GALNT18: variants seen among roughly 807,000 people sequenced by gnomAD.
GALNT18 encodes GalNAc-transferase 18.
A neutral mutation model predicts 69.5 loss-of-function variants in GALNT18; 44 were observed. The observed-to-expected ratio is 0.63, with a 90% CI of 0.50 to 0.81. The LOEUF is 0.81. Ranked by LOEUF, GALNT18 falls within the 40% of genes least tolerant of loss-of-function variation. GALNT18 has a pLI of 0.00. For synonymous variants in GALNT18, 364 were observed against 318.2 expected, an observed-to-expected ratio of 1.14 and a Z score of -1.53; for missense variants, 715 against 810.0, an observed-to-expected ratio of 0.88 and a Z score of 1.42.
chr11:11,344,769 C>T (rs1026916446), intron 6 of GALNT18, among the ~76,000 whole-genome samples: 4 of 152,106 alleles, frequency 2.6e-5, no homozygotes, highest in African/African-American at 7.2e-5. Context: ...ATGTGGATGG[C>T]GGTCAAGGAA....
rs996323594 is a variant in GALNT18 at position 11,621,180 on chromosome 11, G to A, written c.235+179C>T. Among the ~76,000 whole-genome samples the A allele has an allele frequency of 1.2e-4, 19 of 152,150 alleles. No individual in the cohort carries two copies. The highest frequency in any genetic ancestry group is 4.6e-4 in the African/African-American group (19 of 41,446). On this transcript the variant is annotated intron_variant, in intron 1 of 10. Transcript: ENST00000227756. The surrounding 1 kb of genome is among the most constrained non-coding windows in gnomAD (Gnocchi z 9.3). Reference sequence around the variant, plus strand: ...GTGCCCCGGGGAAGAGCGCACGGCCGCAGACAGAAGGTCCCGAACGCAGGC... The same window carrying A: ...GTGCCCCGGGGAAGAGCGCACGGCCACAGACAGAAGGTCCCGAACGCAGGC...
intron 1 of GALNT18, among the ~76,000 whole-genome samples, chr11:11,457,582 C>A (rs547478003): frequency 6.6e-6 from 1 of 152,194 alleles, no homozygotes; most frequent in African/African-American, 2.4e-5. Context: ...CAAGTCCTAC[C>A]GAAGGGTCAG....
intron 3 of GALNT18, among the ~76,000 whole-genome samples, chr11:11,419,596 C>CAAAAAAAAAAAAAAAAAAAAA (rs58012512): frequency 3.8e-5 from 1 of 26,618 alleles, no homozygotes; most frequent in Non-Finnish European, 8.9e-5. Context: ...GATCCTGTCT[C>CAAAAAAAAAAAAAAAAAAAAA]AAAAAAAAAA....
rs1405504920 is a variant in GALNT18, at chr11:11,584,458, G to A, written c.235+36901C>T. Among the ~76,000 whole-genome samples, 1 of 152,160 alleles carries A rather than the reference G, an allele frequency of 6.6e-6. No homozygotes were observed. Among genetic ancestry groups the A allele is most frequent in the African/African-American group, 2.4e-5 (1 of 41,420 alleles). ...GAGAAATGGGTTCCTATTCTCCAGT[G>A]CATTTCAACTGGCCATATTCTCAGC... On this transcript the variant is annotated intron_variant, in intron 1 of 10. Coordinates refer to ENST00000227756, the MANE Select transcript of GALNT18 (RefSeq NM_198516.3). The surrounding 1 kb of genome is among the most constrained non-coding windows in gnomAD (Gnocchi z 4.1).
In GALNT18 at chr11:11,469,148, C is replaced by T. The variant is rs945329137; in HGVS notation, c.236-20212G>A. Among the ~76,000 whole-genome samples the T allele has an allele frequency of 6.6e-6, 1 of 152,088 alleles. No homozygotes were observed. The highest frequency in any genetic ancestry group is 1.5e-5 in the Non-Finnish European group (1 of 68,018). ...CTCTGATGATATTATTTTTTGGATC[C>T]CGGTAGCCAAGAAAAGCAGTCTGAG... On this transcript the variant is annotated intron_variant, in intron 1 of 10. Coordinates refer to ENST00000227756, the MANE Select transcript of GALNT18 (RefSeq NM_198516.3). This position sits in a 1 kb window ranked among gnomAD's most constrained non-coding sequence, Gnocchi z 4.2.
At chr11:11,275,370 C>T (rs1028257609) in intron 10 of GALNT18, among the ~76,000 whole-genome samples, 2 of 152,140 alleles carry the variant, frequency 1.3e-5, no homozygotes, top group Non-Finnish European at 2.9e-5. Flanking sequence ...ATATCCTTTA[C>T]CCACTTTTAG....
rs1331682328 is a variant in GALNT18, at chr11:11,591,856, T to A, written c.235+29503A>T. Among the ~76,000 whole-genome samples, 1 of 152,140 alleles carries A rather than the reference T, an allele frequency of 6.6e-6. No individual in the cohort carries two copies. The highest frequency in any genetic ancestry group is 1.9e-4 in the East Asian group (1 of 5,188). On this transcript the variant is annotated intron_variant, in intron 1 of 10. Transcript: ENST00000227756. The surrounding 1 kb of genome is among the most constrained non-coding windows in gnomAD (Gnocchi z 4.8). ...GCCAATACCCAGCTGTGATTAGATG[T>A]TATGAAGATTTAAGGGTTTTGAGTT...
Position 11,480,021 on chromosome 11 carries a change from A to G in GALNT18, c.236-31085T>C, listed in dbSNP as rs1590039984. On this transcript the variant is annotated intron_variant, in intron 1 of 10. Coordinates refer to ENST00000227756, the MANE Select transcript of GALNT18 (RefSeq NM_198516.3). This position sits in a 1 kb window ranked among gnomAD's most constrained non-coding sequence, Gnocchi z 4.6. ...GGCTGCTACCCCAAGCCCCACCAGG[A>G]GGCTAGAGAAGAGAGATGGGAGAGT... Among the ~76,000 whole-genome samples the G allele has an allele frequency of 6.6e-6, 1 of 152,258 alleles. No homozygotes were observed. Among genetic ancestry groups the G allele is most frequent in the South Asian group, 2.1e-4 (1 of 4,820 alleles).
chr11:11,453,225 G>A (rs183720580), intron 1 of GALNT18, among the ~76,000 whole-genome samples: 4 of 152,252 alleles, frequency 2.6e-5, no homozygotes, highest in Admixed American at 6.5e-5. Flanking sequence ...GGAGACCCCT[G>A]GGCCAGGGGA....
At chr11:11,406,657 C>A (rs142381047) in intron 3 of GALNT18, among the ~76,000 whole-genome samples, 1 of 152,148 alleles carries the variant, frequency 6.6e-6, no homozygotes, top group Admixed American at 6.5e-5. Context: ...CCATACAAGT[C>A]GGGGCAGTAT....
chr11:11,504,858 TTC>T, intron 1 of GALNT18, among the ~76,000 whole-genome samples: 1 of 152,264 alleles, frequency 6.6e-6, no homozygotes, highest in East Asian at 1.9e-4. Context: ...GTGCTGGGCA[TTC>T]TGTTTGCCTT....
At chr11:11,375,222 T>C (rs573640038) in intron 5 of GALNT18, among the ~76,000 whole-genome samples, 5 of 152,354 alleles carry the variant, frequency 3.3e-5, no homozygotes, top group African/African-American at 1.2e-4. Flanking sequence ...AAATCACAGC[T>C]TTCTGTGGAG....
At chr11:11,449,665 G>A (rs1349769119) in intron 1 of GALNT18, among the ~76,000 whole-genome samples, 1 of 152,164 alleles carries the variant, frequency 6.6e-6, no homozygotes, top group Non-Finnish European at 1.5e-5. Flanking sequence ...AAAATGGAGG[G>A]GAATCACTAA....
At chr11:11,558,458 G>T (rs1565011475) in intron 1 of GALNT18, among the ~76,000 whole-genome samples, 1 of 152,276 alleles carries the variant, frequency 6.6e-6, no homozygotes, top group Non-Finnish European at 1.5e-5. Context: ...CAGGCAGGGT[G>T]AGGCTGGGCT....
At chr11:11,499,052 T>A (rs1856924314) in intron 1 of GALNT18, among the ~76,000 whole-genome samples, 2 of 152,222 alleles carry the variant, frequency 1.3e-5, no homozygotes, top group Admixed American at 6.5e-5. Context: ...AGTTACTATC[T>A]CTAGAGCCTC....
chr11:11,416,560 G>A (rs929406009), intron 3 of GALNT18, among the ~76,000 whole-genome samples: 4 of 152,194 alleles, frequency 2.6e-5, no homozygotes, highest in African/African-American at 9.6e-5. Flanking sequence ...GTGAGGAAAG[G>A]TTTAAAGATT....
chr11:11,501,721 C>A (rs1215538778), intron 1 of GALNT18, among the ~76,000 whole-genome samples: 1 of 152,152 alleles, frequency 6.6e-6, no homozygotes, highest in Non-Finnish European at 1.5e-5. Flanking sequence ...CTCTATTACT[C>A]ATATCAGCCA....
intron 1 of GALNT18, among the ~76,000 whole-genome samples, chr11:11,512,570 C>T (rs1042957393): frequency 6.6e-6 from 1 of 152,230 alleles, no homozygotes; most frequent in Non-Finnish European, 1.5e-5. Flanking sequence ...TAGTTTCTTT[C>T]TGAGCCCAGT....
intron 1 of GALNT18, among the ~76,000 whole-genome samples, chr11:11,460,058 C>G (rs994566544): frequency 1.3e-5 from 2 of 152,220 alleles, no homozygotes; most frequent in Non-Finnish European, 2.9e-5. Context: ...ACCTTCTCTT[C>G]AGCCCCTTCT....
Sources: allele counts gnomAD v4.1 joint callset (sites outside exome capture counted in the v4.1 genomes callset), GRCh38; gene constraint gnomAD v4.1.1; non-coding constraint Gnocchi (gnomAD v3.1); transcripts MANE v1.5; gene names NCBI Gene and HGNC (gene_info 2026-07-23, HGNC 2026-07-21).